The following DYNC2H1 variants were observed in gnomAD, a reference collection of about 807,000 sequenced individuals.
The protein encoded by DYNC2H1 is dynein cytoplasmic 2 heavy chain 1, also known as cytoplasmic dynein 2 heavy chain 1.
In DYNC2H1, 410 loss-of-function variants were observed where a neutral mutation model predicts 570.0. That is an observed-to-expected ratio of 0.72 (90% CI 0.66 to 0.78). DYNC2H1 has a LOEUF of 0.78. DYNC2H1 is among the 30% of genes least tolerant of loss of function. DYNC2H1 has a pLI of 0.00. For synonymous variants in DYNC2H1, 1,688 were observed against 1,677.6 expected, an observed-to-expected ratio of 1.01 and a Z score of -0.15; for missense variants, 4,865 against 5,046.4, an observed-to-expected ratio of 0.96 and a Z score of 1.09.
At position 103,456,260 on chromosome 11, in the gene DYNC2H1, GCTTTAC is replaced by G. The variant is rs1565614772; in HGVS notation, c.12567-8_12567-3del. The G allele has an allele frequency of 1.3e-6, 2 of 1,589,522 alleles. No individual in the cohort carries two copies. Among genetic ancestry groups the G allele is most frequent in the Admixed American group, 3.4e-5 (2 of 58,822 alleles). ...AGGATTATTGATTTGTGACTTTGAT[GCTTTAC>G]CTTTACAGGGCAGTGGGTCGTTCTG... On this transcript the variant is annotated splice_polypyrimidine_tract_variant and intron_variant, in intron 86 of 88. Coordinates refer to ENST00000375735, the MANE Select transcript of DYNC2H1 (RefSeq NM_001377.3).
chr11:103,392,721 G>T (rs887478680), intron 83 of DYNC2H1, among the ~76,000 whole-genome samples: 2 of 151,576 alleles, frequency 1.3e-5, no homozygotes, highest in African/African-American at 2.4e-5. Context: ...TGATTTTTAG[G>T]GGGTATGGAG....
intron 4 of DYNC2H1, among the ~76,000 whole-genome samples, chr11:103,115,670 C>T (rs577013354): frequency 6.6e-6 from 1 of 151,894 alleles, no homozygotes; most frequent in South Asian, 2.1e-4. Flanking sequence ...TGGTGGTGAG[C>T]GCCTACTCGG....
At chr11:103,166,990 C>CTTTTTTTTTTTTTTTTTTT (rs34816989) in intron 31 of DYNC2H1, among the ~76,000 whole-genome samples, 20 of 56,988 alleles carry the variant, frequency 3.5e-4, no homozygotes, top group Admixed American at 7.9e-4. Flanking sequence ...GAGGCGCTGC[C>CTTTTTTTTTTTTTTTTTTT]TTTTTTTTTT....
chr11:103,218,772 T>A (rs1863476329), intron 55 of DYNC2H1, among the ~76,000 whole-genome samples: 1 of 152,222 alleles, frequency 6.6e-6, no homozygotes. Context: ...AGACTGTAGC[T>A]AATTTTATTA....
At chr11:103,397,887 A>C (rs1205251726) in intron 83 of DYNC2H1, among the ~76,000 whole-genome samples, 1 of 152,196 alleles carries the variant, frequency 6.6e-6, no homozygotes, top group Non-Finnish European at 1.5e-5. Context: ...TGTCAAGAAA[A>C]AGTTAATAAA....
rs1231699405 is a variant in DYNC2H1, at chr11:103,148,586, A to G, written c.2915A>G (p.Gln972Arg). 3.8e-6 allele frequency: 6 copies of G among 1,570,052 alleles called. No homozygotes were observed. Among genetic ancestry groups the G allele is most frequent in the African/African-American group, 1.4e-5 (1 of 73,842 alleles). ...GAAGAAATTGGTGATGCAAATCTACAATATAGTAAGTTACAAGAACGGAAG... is the reference window on the plus strand; with the variant it reads ...GAAGAAATTGGTGATGCAAATCTACGATATAGTAAGTTACAAGAACGGAAG... ...SVEEIGDANL[Q>R]YSKLQERKPE... The change falls in exon 20 of 89, where the codon CAA (glutamine) becomes CGA (arginine). Residue 972 changes from glutamine to arginine, a missense_variant. By Grantham distance (43) the Gln-to-Arg change is conservative. This residue lies in a region of DYNC2H1 where 1,936 missense variants were observed against 1,962.1 expected (regional missense o/e 0.99). Coordinates refer to ENST00000375735, the MANE Select transcript of DYNC2H1 (RefSeq NM_001377.3).
At chr11:103,282,974 A>C in intron 72 of DYNC2H1, 34 bp from the exon 73 acceptor site, 5 of 1,518,074 alleles carry the variant, frequency 3.3e-6, no homozygotes, top group South Asian at 1.3e-5. Flanking sequence ...AATTTTACCA[A>C]GTATACTAAG....
At position 103,351,468 on chromosome 11, in the gene DYNC2H1, C is replaced by T. The variant is rs116454046; in HGVS notation, c.12040-6775C>T. On this transcript the variant is annotated intron_variant, in intron 82 of 88. Transcript: ENST00000375735. ...TGCAAAGGATGTGATTGCAGGAACGCATCATTTATCGAAGGCTATTATTAT... is the reference window on the plus strand; with the variant it reads ...TGCAAAGGATGTGATTGCAGGAACGTATCATTTATCGAAGGCTATTATTAT... Among the ~76,000 whole-genome samples, 838 of 152,240 alleles carry T rather than the reference C, an allele frequency of 5.5e-3. 11 individuals are homozygous for T. The highest frequency in any genetic ancestry group is 0.019 in the African/African-American group (805 of 41,540).
intron 81 of DYNC2H1, 119 bp from the exon 82 acceptor site, chr11:103,323,767 T>C: frequency 1.3e-6 from 1 of 780,918 alleles, no homozygotes; most frequent in Non-Finnish European, 1.9e-6. Flanking sequence ...GTGAGATTTA[T>C]CTAGAAAATA....
At chr11:103,436,177 T>C (rs1944053721) in intron 85 of DYNC2H1, 145 bp downstream of exon 85, 1 of 668,476 alleles carries the variant, frequency 1.5e-6, no homozygotes, top group Non-Finnish European at 2.3e-6. Context: ...CCATTTGTTA[T>C]TTTTGTATAG....
Position 103,147,757 on chromosome 11 carries a change from A to G in DYNC2H1, c.2703-15A>G, listed in dbSNP as rs751932360. The G allele has an allele frequency of 6.7e-7, 1 of 1,503,510 alleles. No individual in the cohort carries two copies. Among genetic ancestry groups the G allele is most frequent in the African/African-American group, 1.4e-5 (1 of 72,596 alleles). 93.1% of individuals were successfully genotyped at this position (1,503,510 alleles called of 1,614,324 possible). On this transcript the variant is annotated splice_polypyrimidine_tract_variant and intron_variant, in intron 18 of 88. Coordinates refer to ENST00000375735, the MANE Select transcript of DYNC2H1 (RefSeq NM_001377.3). ...GTCTTTTCCATGTCAAAATATGTCCATTGACATTTTTCAGTGCTGTCAAGG... is the reference window on the plus strand; with the variant it reads ...GTCTTTTCCATGTCAAAATATGTCCGTTGACATTTTTCAGTGCTGTCAAGG...
At chr11:103,379,927 T>A (rs1416436933) in intron 83 of DYNC2H1, among the ~76,000 whole-genome samples, 1 of 152,196 alleles carries the variant, frequency 6.6e-6, no homozygotes, top group Non-Finnish European at 1.5e-5. Flanking sequence ...CTAGGCAAGT[T>A]CAGATATGGC....
Position 103,253,401 on chromosome 11 carries a change from G to A in DYNC2H1, c.10159G>A (p.Val3387Ile). 1 of 1,613,108 alleles carries A rather than the reference G, an allele frequency of 6.2e-7. No homozygotes were observed. The highest frequency in any genetic ancestry group is 8.5e-7 in the Non-Finnish European group (1 of 1,179,424). ...TATTCCACCGGATGCAGCTTCCATTGTTACTGAGGTTAACTTTACTACAAC... is the reference window on the plus strand; with the variant it reads ...TATTCCACCGGATGCAGCTTCCATTATTACTGAGGTTAACTTTACTACAAC... ...PFIPPDAASIVTEVNFTTTRS... is the reference protein window; with the variant it reads ...PFIPPDAASIITEVNFTTTRS... The change falls in exon 66 of 89, where the codon GTT (valine) becomes ATT (isoleucine). Residue 3387 changes from valine to isoleucine, a missense_variant. By Grantham distance (29) the Val-to-Ile change is conservative. Around this residue, in one of 5 missense-constraint regions of DYNC2H1, gnomAD observed 2,401 missense variants for 2,454.6 expected, o/e 0.98. Transcript: ENST00000375735.
At chr11:103,294,795 C>T (rs139463702) in intron 75 of DYNC2H1, among the ~76,000 whole-genome samples, 1 of 152,200 alleles carries the variant, frequency 6.6e-6, no homozygotes, top group African/African-American at 2.4e-5. Flanking sequence ...AGGTTATAAG[C>T]CAGCAGGTTG....
chr11:103,415,153 A>G (rs1054452305), intron 84 of DYNC2H1, among the ~76,000 whole-genome samples: 4 of 152,202 alleles, frequency 2.6e-5, no homozygotes, highest in African/African-American at 9.6e-5. Context: ...TACACCTTAT[A>G]CAAAAATTAA....
At chr11:103,278,184 G>T (rs560165396) in intron 70 of DYNC2H1, among the ~76,000 whole-genome samples, 64 of 152,238 alleles carry the variant, frequency 4.2e-4, no homozygotes, top group African/African-American at 1.5e-3. Flanking sequence ...CTAGAACTGA[G>T]TCACCAATTG....
At chr11:103,287,750 G>C in intron 75 of DYNC2H1, 145 bp downstream of exon 75, 3 of 725,188 alleles carry the variant, frequency 4.1e-6, no homozygotes, top group Non-Finnish European at 6.4e-6. Context: ...ATCTCTACCT[G>C]TTTTAGAAAA....
At chr11:103,122,404 C>G (rs1228345282) in intron 10 of DYNC2H1, among the ~76,000 whole-genome samples, 1 of 152,180 alleles carries the variant, frequency 6.6e-6, no homozygotes, top group African/African-American at 2.4e-5. Context: ...GCATTTATGT[C>G]TCTTAATTGA....
intron 75 of DYNC2H1, among the ~76,000 whole-genome samples, chr11:103,293,593 A>G (rs1866700239): frequency 6.6e-6 from 1 of 151,444 alleles, no homozygotes; most frequent in South Asian, 2.1e-4. Flanking sequence ...TCTTGTAGGC[A>G]TACTTCATCC....
Sources: gnomAD v4.1 joint callset for allele counts (sites outside exome capture counted in the v4.1 genomes callset) on GRCh38, gnomAD v4.1.1 for gene constraint, gnomAD v4.1.1 regional missense constraint, MANE v1.5 for transcripts, NCBI Gene and HGNC (gene_info 2026-07-23, HGNC 2026-07-21) for gene names.